Variants in MGAT5 observed in about 807,000 individuals in gnomAD.
MGAT5 encodes the protein alpha-1,6-mannosylglycoprotein 6-beta-N-acetylglucosaminyltransferase A.
MGAT5 carries 30 observed loss-of-function variants against 94.3 expected under a neutral mutation model. The ratio of observed to expected loss-of-function variants is 0.32; its 90% CI spans 0.24 to 0.43. The LOEUF (loss-of-function observed/expected upper bound fraction) is 0.43, where lower values mean the gene tolerates loss of function less well. Among genes scored for constraint, MGAT5 ranks in the 20% least tolerant of loss-of-function variants. The pLI is 1.00. For missense variants in MGAT5, 691 were observed against 905.5 expected (o/e 0.76, Z 3.04); for synonymous variants, 310 against 322.9 (o/e 0.96, Z 0.43).
chr2:134,386,863 A>G (rs1213681399), intron 10 of MGAT5, among the ~76,000 whole-genome samples: 1 of 152,244 alleles, frequency 6.6e-6, no homozygotes, highest in Non-Finnish European at 1.5e-5. Flanking sequence ...AAATATGTAT[A>G]TATGGGATAT....
intron 12 of MGAT5, 59 bp downstream of exon 12, chr2:134,413,074 G>A: frequency 6.3e-7 from 1 of 1,583,012 alleles, no homozygotes; most frequent in Non-Finnish European, 8.7e-7. Flanking sequence ...TATTTATTGA[G>A]TGCTCATGTA....
intron 13 of MGAT5, among the ~76,000 whole-genome samples, chr2:134,423,918 C>T (rs1429292255): frequency 6.6e-6 from 1 of 152,218 alleles, no homozygotes; most frequent in African/African-American, 2.4e-5. Flanking sequence ...ATACATCTGT[C>T]TCATTTCTGT....
chr2:134,349,725 T>C, intron 8 of MGAT5, 80 bp from the exon 9 acceptor site: 1 of 1,514,144 alleles, frequency 6.6e-7, no homozygotes, highest in Non-Finnish European at 9.0e-7. Flanking sequence ...TTAGTAGTCT[T>C]GAAGGAAGGG....
At chr2:134,249,263 T>A (rs2105483285), upstream of MGAT5, among the ~76,000 whole-genome samples, 1 of 151,624 alleles carries the variant, frequency 6.6e-6, no homozygotes, top group East Asian at 2.0e-4. Flanking sequence ...ATGATACACA[T>A]ATCATACCAT....
intron 12 of MGAT5, among the ~76,000 whole-genome samples, chr2:134,421,924 T>C (rs566647964): frequency 6.6e-6 from 1 of 152,110 alleles, no homozygotes; most frequent in African/African-American, 2.4e-5. Flanking sequence ...TCCCGGCAGT[T>C]TGGGAGGCGG....
At chr2:134,154,862 G>C (rs367572149) in intron 1 of MGAT5, among the ~76,000 whole-genome samples, 7 of 152,330 alleles carry the variant, frequency 4.6e-5, no homozygotes, top group Admixed American at 1.3e-4. Context: ...ATCTGAGTTT[G>C]AATCTGGTCA....
chr2:134,129,997 A>G (rs954100341), intron 1 of MGAT5, among the ~76,000 whole-genome samples: 3 of 152,260 alleles, frequency 2.0e-5, no homozygotes, highest in Admixed American at 1.3e-4. Flanking sequence ...CGCAAGTTCC[A>G]GGTGGGCGTG....
At position 134,156,815 on chromosome 2, in the gene MGAT5, T is replaced by A. The variant is rs144574163; in HGVS notation, c.-143+36524T>A. On this transcript the variant is annotated intron_variant, in intron 1 of 16. Coordinates refer to the MGAT5 transcript ENST00000409645. ...GGGCTTTGCATGGGCCCTGAGCAAC[T>A]CCTCATCTCTCTTGTGTTATGGAGG... is the stretch of plus-strand genomic sequence containing the variant. Among the ~76,000 whole-genome samples, 587 of 152,296 alleles carry A rather than the reference T, an allele frequency of 3.9e-3. 5 individuals are homozygous for A. Among genetic ancestry groups the A allele is most frequent in the African/African-American group, 0.013 (556 of 41,546 alleles).
chr2:134,247,375 C>CA (rs71398602), intron 1 of MGAT5, among the ~76,000 whole-genome samples: 1,973 of 122,434 alleles, frequency 0.016, 69 homozygotes, highest in African/African-American at 0.064. Context: ...AAAAAAAAAA[C>CA]AAAAAAAAAA....
At chr2:134,437,268 G>T (rs1685214689) in intron 14 of MGAT5, among the ~76,000 whole-genome samples, 2 of 152,200 alleles carry the variant, frequency 1.3e-5, no homozygotes, top group South Asian at 4.1e-4. Context: ...GGGATTACAG[G>T]CATGAGCCAC....
intron 1 of MGAT5, among the ~76,000 whole-genome samples, chr2:134,172,590 G>A (rs931378694): frequency 6.6e-6 from 1 of 152,096 alleles, no homozygotes; most frequent in African/African-American, 2.4e-5. Context: ...TTTTCACCGT[G>A]TTAGCCAGGA....
At chr2:134,395,950 G>A (rs1225390597) in intron 10 of MGAT5, among the ~76,000 whole-genome samples, 1 of 152,218 alleles carries the variant, frequency 6.6e-6, no homozygotes, top group Non-Finnish European at 1.5e-5. Context: ...TAAATGTGGA[G>A]GCCAGTACAT....
chr2:134,125,391 A>G (rs1685794750), intron 1 of MGAT5, among the ~76,000 whole-genome samples: 1 of 152,192 alleles, frequency 6.6e-6, no homozygotes, highest in African/African-American at 2.4e-5. Context: ...GTAGTGGTTA[A>G]GGCTGGTGAG....
chr2:134,400,442 A>G (rs952493438), intron 10 of MGAT5, among the ~76,000 whole-genome samples: 1 of 152,196 alleles, frequency 6.6e-6, no homozygotes, highest in Non-Finnish European at 1.5e-5. Flanking sequence ...TACCATGCCT[A>G]AAAGTTAGTA....
chr2:134,138,476 A>C (rs982701023), intron 1 of MGAT5, among the ~76,000 whole-genome samples: 13 of 152,196 alleles, frequency 8.5e-5, no homozygotes, highest in African/African-American at 2.2e-4. Flanking sequence ...CTGGACACGG[A>C]TAGATCCCAT....
At chr2:134,287,491 T>C (rs1378874963) in intron 2 of MGAT5, among the ~76,000 whole-genome samples, 1 of 152,194 alleles carries the variant, frequency 6.6e-6, no homozygotes, top group East Asian at 1.9e-4. Context: ...GCTGGTTTCA[T>C]ATTTGAGGGT....
At chr2:134,414,353 A>G (rs1683849054) in intron 12 of MGAT5, among the ~76,000 whole-genome samples, 1 of 152,180 alleles carries the variant, frequency 6.6e-6, no homozygotes, top group African/African-American at 2.4e-5. Context: ...TATTCTTTTG[A>G]AAAGTTTAAA....
chr2:134,195,294 T>C (rs1458666807), intron 1 of MGAT5, among the ~76,000 whole-genome samples: 9 of 152,226 alleles, frequency 5.9e-5, no homozygotes, highest in African/African-American at 2.2e-4. Flanking sequence ...TTAATACTCC[T>C]TTACATTTTT....
At chr2:134,416,399 T>C (rs1165963245) in intron 12 of MGAT5, among the ~76,000 whole-genome samples, 3 of 152,088 alleles carry the variant, frequency 2.0e-5, no homozygotes, top group African/African-American at 7.2e-5. Flanking sequence ...TCTGTCCTTT[T>C]GTGTCTGGCT....
Sources: allele counts gnomAD v4.1 joint callset (sites outside exome capture counted in the v4.1 genomes callset), GRCh38; gene constraint gnomAD v4.1.1; transcripts MANE v1.5; gene names NCBI Gene and HGNC (gene_info 2026-07-23, HGNC 2026-07-21).